The following ADRA1A variants were observed in gnomAD, a reference collection of about 807,000 sequenced individuals.
ADRA1A encodes adrenoceptor alpha 1A, also known as alpha-1A adrenergic receptor.
In ADRA1A, 31 loss-of-function variants were observed where a neutral mutation model predicts 29.6. The observed-to-expected ratio is 1.05, with a 90% confidence interval of 0.79 to 1.41. The LOEUF is 1.41. Ranked by LOEUF, ADRA1A falls within the 40% of genes most tolerant of loss-of-function variation. ADRA1A has a pLI of 0.00. For synonymous variants in ADRA1A, 311 were observed against 254.3 expected (o/e 1.22, Z -2.12); for missense variants, 619 against 601.1 (o/e 1.03, Z -0.31).
chr8:26,783,994 G>A (rs1476642612), intron 2 of ADRA1A, among the ~76,000 whole-genome samples: 1 of 151,836 alleles, frequency 6.6e-6, no homozygotes, highest in Non-Finnish European at 1.5e-5. Context: ...GGGACACAAT[G>A]GGGGGAACAA....
At chr8:26,827,148 GGTT>G (rs1810635421) in intron 2 of ADRA1A, among the ~76,000 whole-genome samples, 1 of 152,064 alleles carries the variant, frequency 6.6e-6, no homozygotes, top group Admixed American at 6.5e-5. Flanking sequence ...ACTAAATAAA[GGTT>G]AACCTTTTTA....
chr8:26,822,231 C>A lies in ADRA1A; in HGVS notation c.883+41856G>T, dbSNP rs192904693. On this transcript the variant is annotated intron_variant, in intron 2 of 2. Transcript: ENST00000380573. The stretch of plus-strand genomic sequence containing the variant: ...ACTGTGGAGCCAAACCAAGAGATAT[C>A]CACCACTTTTGAGTTGTATGTGTCT... 5.8e-3 allele frequency among the ~76,000 whole-genome samples: 887 copies of A among 152,282 alleles called. 4 individuals are homozygous for A. The highest frequency in any genetic ancestry group is 0.014 in the South Asian group (67 of 4,810).
At chr8:26,792,727 T>C (rs1807921069) in intron 2 of ADRA1A, among the ~76,000 whole-genome samples, 1 of 147,644 alleles carries the variant, frequency 6.8e-6, no homozygotes, top group Admixed American at 6.8e-5. Flanking sequence ...AGTAAGGTCA[T>C]ATACGTTGGT....
chr8:26,829,387 G>T (rs978128935), intron 2 of ADRA1A, among the ~76,000 whole-genome samples: 1 of 152,158 alleles, frequency 6.6e-6, no homozygotes, highest in African/African-American at 2.4e-5. Flanking sequence ...TTTCTCAAAA[G>T]TGAGGAAACA....
rs571918247 is a variant in ADRA1A, at chr8:26,865,934, A to T, written c.-686-279T>A. On this transcript the variant is annotated intron_variant, in intron 1 of 2. Transcript: ENST00000380573. This position sits in a 1 kb window ranked among gnomAD's most constrained non-coding sequence, Gnocchi z 7.6. ...ACAAATCCCCAAAACCCCAGGCTCC[A>T]GCGCTCGAAGTCTGGATTTCGAGCG... Among the ~76,000 whole-genome samples the T allele has an allele frequency of 3.9e-5, 6 of 152,260 alleles. No homozygotes were observed. In the East Asian group the frequency reaches 9.7e-4, roughly 25 times the overall value.
chr8:26,780,834 G>T (rs1806927414), intron 2 of ADRA1A, among the ~76,000 whole-genome samples: 1 of 152,184 alleles, frequency 6.6e-6, no homozygotes, highest in Admixed American at 6.5e-5. Context: ...ACATGTCAGG[G>T]ATCTGGGTTC....
At position 26,864,014 on chromosome 8, in the gene ADRA1A, G is replaced by A; in HGVS notation, c.883+73C>T. ...ATCCTTCCTCTTCCATCCCGGACTG[G>A]GAGTCTGGGGTAACAGAAGCCGAGG... is the stretch of plus-strand genomic sequence containing the variant. On this transcript the variant is annotated intron_variant, in intron 2 of 2. Coordinates refer to ENST00000380573, the MANE Select transcript of ADRA1A (RefSeq NM_000680.4). This position sits in a 1 kb window ranked among gnomAD's most constrained non-coding sequence, Gnocchi z 8.1. The A allele has an allele frequency of 6.9e-7, 1 of 1,454,128 alleles. No homozygotes were observed. The highest frequency in any genetic ancestry group is 9.3e-7 in the Non-Finnish European group (1 of 1,072,972). 90.1% of individuals were successfully genotyped at this position (1,454,128 alleles called of 1,614,324 possible). A position where few individuals can be genotyped will look rare whatever the true frequency, so the allele number is the denominator to read the frequency against.
chr8:26,800,631 A>T (rs1040898201), intron 2 of ADRA1A, among the ~76,000 whole-genome samples: 1 of 152,208 alleles, frequency 6.6e-6, no homozygotes, highest in African/African-American at 2.4e-5. Context: ...AGCAAAGAAA[A>T]TCCTGGAACC....
At chr8:26,749,805 GTATTCT>G (rs1312460179) in intron 2 of ADRA1A, among the ~76,000 whole-genome samples, 12 of 152,280 alleles carry the variant, frequency 7.9e-5, no homozygotes, top group African/African-American at 2.9e-4. Context: ...CTTGGACCAT[GTATTCT>G]TAGTGGGCAA....
chr8:26,851,391 C>T (rs532210860), intron 2 of ADRA1A, among the ~76,000 whole-genome samples: 7 of 152,206 alleles, frequency 4.6e-5, no homozygotes, highest in South Asian at 4.2e-4. Flanking sequence ...AAAAGTTACC[C>T]GTTTTACGAA....
intron 2 of ADRA1A, among the ~76,000 whole-genome samples, chr8:26,859,405 C>G (rs1184925925): frequency 6.6e-6 from 1 of 152,156 alleles, no homozygotes; most frequent in Non-Finnish European, 1.5e-5. Flanking sequence ...CAATGAACTG[C>G]TATATTCCTT....
At chr8:26,751,165 T>G (rs149037352) in intron 2 of ADRA1A, among the ~76,000 whole-genome samples, 1 of 152,148 alleles carries the variant, frequency 6.6e-6, no homozygotes, top group African/African-American at 2.4e-5. Flanking sequence ...TGGTATGTGA[T>G]AGGATTCAGA....
rs1496121 is a variant in ADRA1A, at chr8:26,770,424, G to T, written c.1126C>A (p.Arg376Ser). 2 of 1,614,088 alleles carry T rather than the reference G, an allele frequency of 1.2e-6. No individual in the cohort carries two copies. Residue 376 changes from arginine (R) to serine (S), a missense_variant, in exon 3 of 3, where the codon CGC becomes AGC. By Grantham distance (110) the Arg-to-Ser change is moderately radical. Transcript: ENST00000380573. The part of the protein sequence containing the change: ...AVEGQHKDMV[R>S]IPVGSRETFY... The stretch of plus-strand genomic sequence containing the variant: ...GTCTCTCTTGATCCCACGGGGATGC[G>T]CACCATGTCCTTGTGTTGCCCTTCC...
chr8:26,816,522 G>T (rs190900897), intron 2 of ADRA1A, among the ~76,000 whole-genome samples: 2 of 144,846 alleles, frequency 1.4e-5, no homozygotes, highest in Non-Finnish European at 3.0e-5. Flanking sequence ...CAAGAGAGGT[G>T]CTCATGGTGT....
chr8:26,820,587 A>G (rs767273934), intron 2 of ADRA1A, among the ~76,000 whole-genome samples: 2 of 152,138 alleles, frequency 1.3e-5, no homozygotes, highest in Non-Finnish European at 2.9e-5. Flanking sequence ...CATGACATAG[A>G]CTGAGCATTT....
downstream of ADRA1A, chr8:26,756,330 C>CCCTT: frequency 2.7e-6 from 2 of 747,042 alleles, no homozygotes; most frequent in Non-Finnish European, 3.7e-6. Context: ...TATTTTAACC[C>CCCTT]ATAAAAGTTC....
chr8:26,805,823 T>G lies in ADRA1A; in HGVS notation c.884-35157A>C, dbSNP rs926842886. Among the ~76,000 whole-genome samples, 2 of 152,296 alleles carry G rather than the reference T, an allele frequency of 1.3e-5. No homozygotes were observed. The highest frequency in any genetic ancestry group is 3.9e-4 in the East Asian group (2 of 5,182). Reference sequence around the variant, plus strand: ...TTGAACACATTTATTTTTAACCATTTTCCCCCCCACATAGATTTGGCATTA... The same window carrying G: ...TTGAACACATTTATTTTTAACCATTGTCCCCCCCACATAGATTTGGCATTA... On this transcript the variant is annotated intron_variant, in intron 2 of 2. Transcript: ENST00000380573. This position sits in a 1 kb window ranked among gnomAD's most constrained non-coding sequence, Gnocchi z 4.8.
rs181725680 is a variant in ADRA1A, at chr8:26,815,164, A to C, written c.884-44498T>G. Among the ~76,000 whole-genome samples, 1,056 of 152,330 alleles carry C rather than the reference A, an allele frequency of 6.9e-3. 10 individuals carry two copies. Among genetic ancestry groups the C allele is most frequent in the African/African-American group, 0.024 (1,006 of 41,554 alleles). ...CACTACCAAATCCTCACCAAGACTT[A>C]CTGGGTTAAATCTTGTGGTAAACTA... On this transcript the variant is annotated intron_variant, in intron 2 of 2. Coordinates refer to ENST00000380573, the MANE Select transcript of ADRA1A (RefSeq NM_000680.4). This position sits in a 1 kb window ranked among gnomAD's most constrained non-coding sequence, Gnocchi z 4.2.
intron 2 of ADRA1A, among the ~76,000 whole-genome samples, chr8:26,782,249 G>T (rs1439863406): frequency 1.3e-5 from 2 of 152,154 alleles, no homozygotes; most frequent in African/African-American, 4.8e-5. Context: ...GCTCCATCTG[G>T]ACTAGAACAC....
Sources: gnomAD v4.1 joint callset for allele counts (sites outside exome capture counted in the v4.1 genomes callset) on GRCh38, gnomAD v4.1.1 for gene constraint, Gnocchi (gnomAD v3.1) non-coding constraint, MANE v1.5 for transcripts, NCBI Gene and HGNC (gene_info 2026-07-23, HGNC 2026-07-21) for gene names.